The following PLEKHM3 variants were observed in gnomAD, a reference collection of about 807,000 sequenced individuals.
PLEKHM3 encodes pleckstrin homology domain-containing family M member 3.
PLEKHM3 carries 45 observed loss-of-function variants against 81.8 expected under a neutral mutation model. That is an observed-to-expected ratio of 0.55 (90% CI 0.43 to 0.71). The LOEUF is 0.71. Among genes scored for constraint, PLEKHM3 ranks in the 30% least tolerant of loss-of-function variants. The probability of loss-of-function intolerance (pLI) is 0.00; values close to 1 mark genes in which losing one functional copy is unlikely to be tolerated. For synonymous variants in PLEKHM3, 352 were observed against 356.4 expected, an observed-to-expected ratio of 0.99 and a Z score of 0.14; for missense variants, 788 against 924.3, an observed-to-expected ratio of 0.85 and a Z score of 1.91.
intron 7 of PLEKHM3, among the ~76,000 whole-genome samples, chr2:207,851,940 G>A (rs771090508): frequency 1.3e-5 from 2 of 152,012 alleles, no homozygotes; most frequent in African/African-American, 4.8e-5. Flanking sequence ...ATGCACAGGA[G>A]GTGGAAGCTC....
intron 6 of PLEKHM3, among the ~76,000 whole-genome samples, chr2:207,875,535 C>T (rs1036988680): frequency 3.9e-5 from 6 of 152,180 alleles, no homozygotes; most frequent in African/African-American, 9.6e-5. Context: ...ACCCTTTGAC[C>T]TAGCAGTCTT....
intron 4 of PLEKHM3, among the ~76,000 whole-genome samples, chr2:207,943,724 C>T (rs13339842): frequency 0.33 from 49,323 of 151,196 alleles, 8,191 homozygotes; most frequent in Middle Eastern, 0.43. Flanking sequence ...AAAAATTAGC[C>T]GGGCGTAGTG....
chr2:207,906,022 A>T (rs1435347952), intron 6 of PLEKHM3, among the ~76,000 whole-genome samples: 1 of 152,222 alleles, frequency 6.6e-6, no homozygotes, highest in Non-Finnish European at 1.5e-5. Flanking sequence ...CATTACTTTG[A>T]CACCCTAAAA....
At chr2:207,957,997 A>G (rs1466840544) in intron 3 of PLEKHM3, among the ~76,000 whole-genome samples, 1 of 152,214 alleles carries the variant, frequency 6.6e-6, no homozygotes, top group Non-Finnish European at 1.5e-5. Flanking sequence ...ACATCCCTCC[A>G]CAACAAAGAG....
chr2:207,880,792 A>T (rs1275373679), intron 6 of PLEKHM3, among the ~76,000 whole-genome samples: 2 of 141,514 alleles, frequency 1.4e-5, no homozygotes, highest in African/African-American at 2.6e-5. Flanking sequence ...AAAAAAACCA[A>T]AAAAACAAAC....
intron 1 of PLEKHM3, among the ~76,000 whole-genome samples, chr2:208,005,486 A>G (rs1216854093): frequency 6.6e-6 from 1 of 152,126 alleles, no homozygotes; most frequent in African/African-American, 2.4e-5. Context: ...CATTTTGGAC[A>G]TGTCTGATGT....
intron 6 of PLEKHM3, among the ~76,000 whole-genome samples, chr2:207,886,147 T>C (rs976674952): frequency 1.3e-5 from 2 of 152,002 alleles, no homozygotes; most frequent in Non-Finnish European, 2.9e-5. Flanking sequence ...ACCAAAAAAG[T>C]GGAAAAGTAT....
Position 207,822,648 on chromosome 2 carries a change from G to T in PLEKHM3, c.*5671C>A, listed in dbSNP as rs1005928010. 3 of 152,572 alleles carry T rather than the reference G, an allele frequency of 2.0e-5. No homozygotes were observed. The highest frequency in any genetic ancestry group is 7.2e-5 in the African/African-American group (3 of 41,450). The allele number at this position is 152,572 out of a possible 1,614,324, so 9.5% of individuals were successfully genotyped here. A position where few individuals can be genotyped will look rare whatever the true frequency, so the allele number is the denominator to read the frequency against. On this transcript the variant is annotated 3_prime_UTR_variant, in exon 8 of 8. Coordinates refer to ENST00000427836, the MANE Select transcript of PLEKHM3 (RefSeq NM_001080475.3). ...CGACATGATTCCCTTTACTCCTGAG[G>T]TTAAGGCACACCAGGCTGAACAAGG...
intron 5 of PLEKHM3, among the ~76,000 whole-genome samples, chr2:207,917,730 C>T (rs1412798860): frequency 6.6e-6 from 1 of 152,054 alleles, no homozygotes; most frequent in African/African-American, 2.4e-5. Flanking sequence ...CAGCTGTAGT[C>T]CCAGCTACTC....
rs192963504 is a variant in PLEKHM3 at position 208,016,172 on chromosome 2, C to A, written c.-319+9217G>T. Among the ~76,000 whole-genome samples, 5 of 151,796 alleles carry A rather than the reference C, an allele frequency of 3.3e-5. No homozygotes were observed. The East Asian group carries it at 9.7e-4, about 30-fold the overall frequency. On this transcript the variant is annotated intron_variant, in intron 1 of 7. Coordinates refer to ENST00000427836, the MANE Select transcript of PLEKHM3 (RefSeq NM_001080475.3). Reference sequence around the variant, plus strand: ...TTGCACCATTGCACTCCAGCCTGGGCGACAGAGAGAGACTCCATCTCAAAT... The same window carrying A: ...TTGCACCATTGCACTCCAGCCTGGGAGACAGAGAGAGACTCCATCTCAAAT...
At chr2:207,921,788 C>T (rs968185044) in intron 5 of PLEKHM3, among the ~76,000 whole-genome samples, 2 of 152,190 alleles carry the variant, frequency 1.3e-5, no homozygotes, top group Non-Finnish European at 1.5e-5. Flanking sequence ...GGCTTATTCA[C>T]TTAACATAAC....
At chr2:207,849,209 T>C (rs2092399498) in intron 7 of PLEKHM3, among the ~76,000 whole-genome samples, 1 of 151,986 alleles carries the variant, frequency 6.6e-6, no homozygotes, top group South Asian at 2.1e-4. Context: ...TGGTGCACAC[T>C]TGTAATCCCA....
At chr2:208,013,497 C>T (rs535171297) in intron 1 of PLEKHM3, among the ~76,000 whole-genome samples, 1 of 151,122 alleles carries the variant, frequency 6.6e-6, no homozygotes, top group Non-Finnish European at 1.5e-5. Flanking sequence ...GCCTGGGCAA[C>T]AGAGCAAGAC....
intron 6 of PLEKHM3, among the ~76,000 whole-genome samples, chr2:207,871,932 G>A (rs2092537009): frequency 6.6e-6 from 1 of 152,098 alleles, no homozygotes. Context: ...TCTGATTTAG[G>A]TCTCTACTAT....
chr2:207,903,146 CA>C (rs1258385318), intron 6 of PLEKHM3, among the ~76,000 whole-genome samples: 1 of 152,152 alleles, frequency 6.6e-6, no homozygotes, highest in Non-Finnish European at 1.5e-5. Context: ...TCCCCGCCCC[CA>C]ATACCATGCC....
At chr2:207,880,762 C>CAAAAAAAAAAAA (rs61384566) in intron 6 of PLEKHM3, among the ~76,000 whole-genome samples, 339 of 6,956 alleles carry the variant, frequency 0.049, 123 homozygotes, top group Middle Eastern at 0.5. Flanking sequence ...GACTCTGTCT[C>CAAAAAAAAAAAA]AAAAAAAAAA....
At chr2:207,995,170 T>C (rs571609133) in intron 2 of PLEKHM3, among the ~76,000 whole-genome samples, 2 of 152,174 alleles carry the variant, frequency 1.3e-5, no homozygotes, top group East Asian at 1.9e-4. Flanking sequence ...GCAGATTCAT[T>C]GGTCTCCTAA....
chr2:207,880,762 CAA>C (rs61384566), intron 6 of PLEKHM3, among the ~76,000 whole-genome samples: 185 of 6,928 alleles, frequency 0.027, no homozygotes, highest in Admixed American at 0.052. Flanking sequence ...GACTCTGTCT[CAA>C]AAAAAAAAAA....
rs1282714826 is a variant in PLEKHM3 at position 207,921,389 on chromosome 2, C to A, written c.1886+9537G>T. ...ATTATTATTAAATATTTTTAATGGACATATAATGATATGTATTGATAGAGT... is the reference window on the plus strand; with the variant it reads ...ATTATTATTAAATATTTTTAATGGAAATATAATGATATGTATTGATAGAGT... On this transcript the variant is annotated intron_variant, in intron 5 of 7. Coordinates refer to ENST00000427836, the MANE Select transcript of PLEKHM3 (RefSeq NM_001080475.3). 2.0e-5 allele frequency among the ~76,000 whole-genome samples: 3 copies of A among 152,014 alleles called. No individual in the cohort carries two copies. The South Asian group carries it at 6.2e-4, about 32-fold the overall frequency.
Sources: gnomAD v4.1 joint callset for allele counts (sites outside exome capture counted in the v4.1 genomes callset) on GRCh38, gnomAD v4.1.1 for gene constraint, MANE v1.5 for transcripts, NCBI Gene and HGNC (gene_info 2026-07-23, HGNC 2026-07-21) for gene names.